USP32: variants seen among roughly 807,000 people sequenced by gnomAD.
The protein encoded by USP32 is ubiquitin carboxyl-terminal hydrolase 32.
Under a neutral mutation model 204.8 loss-of-function variants are expected in USP32, and 59 were observed. The observed-to-expected ratio is 0.29, with a 90% CI of 0.23 to 0.36. The LOEUF (loss-of-function observed/expected upper bound fraction) is 0.36. USP32 is among the 10% of genes least tolerant of loss of function. The probability of loss-of-function intolerance (pLI) is 1.00; values close to 1 mark genes in which losing one functional copy is unlikely to be tolerated. For missense variants in USP32, 1,160 were observed against 1,946.4 expected (o/e 0.60, Z 7.60); for synonymous variants, 517 against 678.4 (o/e 0.76, Z 3.70).
chr17:60,271,482 C>T lies in USP32; in HGVS notation c.572-1G>A. The T allele has an allele frequency of 6.2e-7, 1 of 1,613,216 alleles. No homozygotes were observed. On this transcript the variant is annotated splice_acceptor_variant, in intron 5 of 33. Transcript: ENST00000300896. LOFTEE classifies it high-confidence loss of function. ...AGATCAATGATGTCTGATTCCTCCA[C>T]TAAGGGTCAAATCAAAAAAGATTAT... is the stretch of plus-strand genomic sequence containing the variant.
chr17:60,195,986 C>A (rs1386176560), intron 27 of USP32, among the ~76,000 whole-genome samples: 1 of 152,150 alleles, frequency 6.6e-6, no homozygotes, highest in Non-Finnish European at 1.5e-5. Context: ...AAAAAGCCGG[C>A]CTGGGCCGGG....
At chr17:60,355,280 G>A (rs1439438030) in intron 1 of USP32, among the ~76,000 whole-genome samples, 1 of 152,058 alleles carries the variant, frequency 6.6e-6, no homozygotes, top group Non-Finnish European at 1.5e-5. Flanking sequence ...CTGAGGATGT[G>A]GTAAATTTAC....
chr17:60,381,660 G>A (rs562314843), intron 1 of USP32, among the ~76,000 whole-genome samples: 51 of 152,258 alleles, frequency 3.3e-4, no homozygotes, highest in African/African-American at 1.2e-3. Context: ...GTCCCTGTCT[G>A]AACACTGTGT....
chr17:60,271,571 ATT>A, intron 5 of USP32, 90 bp from the exon 6 acceptor site: 1 of 1,303,932 alleles, frequency 7.7e-7, no homozygotes, highest in Non-Finnish European at 1.0e-6. Context: ...CCACAGATAT[ATT>A]TTAGTTTCAC....
chr17:60,368,761 A>G lies in USP32; in HGVS notation c.58+23121T>C, dbSNP rs143510962. ...ATAATCATACATGGTTCTATACACA[A>G]CCTCGAAATGGCAACATTATTAAGT... On this transcript the variant is annotated intron_variant, in intron 1 of 33. Transcript: ENST00000300896. 2.6e-5 allele frequency among the ~76,000 whole-genome samples: 4 copies of G among 152,188 alleles called. No homozygotes were observed. In the East Asian group the frequency reaches 7.7e-4, roughly 29 times the overall value.
chr17:60,365,807 T>C (rs527783943), intron 1 of USP32, among the ~76,000 whole-genome samples: 7 of 152,226 alleles, frequency 4.6e-5, no homozygotes, highest in African/African-American at 1.7e-4. Flanking sequence ...CCAGAACAAA[T>C]ATATAAGAGA....
chr17:60,195,290 C>T (rs1449565296), intron 27 of USP32, among the ~76,000 whole-genome samples: 1 of 152,216 alleles, frequency 6.6e-6, no homozygotes, highest in East Asian at 1.9e-4. Context: ...ATACTTCCTT[C>T]ACTTAACTCC....
intron 2 of USP32, among the ~76,000 whole-genome samples, chr17:60,301,947 T>G (rs1034898060): frequency 1.3e-5 from 2 of 152,122 alleles, no homozygotes; most frequent in Non-Finnish European, 2.9e-5. Context: ...TTTTCAACTT[T>G]ACAATGGTGT....
At chr17:60,230,966 T>G (rs2085531267) in intron 12 of USP32, among the ~76,000 whole-genome samples, 1 of 152,240 alleles carries the variant, frequency 6.6e-6, no homozygotes, top group South Asian at 2.1e-4. Flanking sequence ...TTTATTGACT[T>G]CAGGGGTCTG....
intron 26 of USP32, among the ~76,000 whole-genome samples, chr17:60,204,129 A>G (rs1439318457): frequency 6.6e-6 from 1 of 152,184 alleles, no homozygotes; most frequent in Non-Finnish European, 1.5e-5. Context: ...TCAAGAGAGG[A>G]ATTACGCACA....
At chr17:60,249,612 C>T (rs1473430493) in intron 11 of USP32, 3 of 634,700 alleles carry the variant, frequency 4.7e-6, no homozygotes, top group African/African-American at 1.9e-5. Context: ...ACTGACAGCC[C>T]ATGCAGACTT....
intron 2 of USP32, among the ~76,000 whole-genome samples, chr17:60,331,323 T>C (rs1598255203): frequency 6.6e-6 from 1 of 152,340 alleles, no homozygotes; most frequent in Admixed American, 6.5e-5. Flanking sequence ...CCCAGCACTT[T>C]GGGAGGCCAA....
intron 2 of USP32, among the ~76,000 whole-genome samples, chr17:60,332,579 C>T (rs374768366): frequency 6.6e-6 from 1 of 151,812 alleles, no homozygotes; most frequent in Admixed American, 6.6e-5. Context: ...ACCCAGGAGG[C>T]GGAGACTGCA....
intron 9 of USP32, among the ~76,000 whole-genome samples, chr17:60,256,035 G>A (rs532593597): frequency 6.6e-6 from 1 of 152,182 alleles, no homozygotes; most frequent in Admixed American, 6.6e-5. Flanking sequence ...CAACAGACAT[G>A]TGAGAGATTT....
At chr17:60,195,652 T>G (rs1295954878) in intron 27 of USP32, among the ~76,000 whole-genome samples, 1 of 152,150 alleles carries the variant, frequency 6.6e-6, no homozygotes, top group African/African-American at 2.4e-5. Flanking sequence ...TCTCTTTTGA[T>G]GCTTCTTTTT....
intron 2 of USP32, among the ~76,000 whole-genome samples, chr17:60,330,555 C>T (rs2088355776): frequency 1.4e-5 from 2 of 146,344 alleles, no homozygotes; most frequent in East Asian, 2.0e-4. Flanking sequence ...CTCTCTCTCT[C>T]TTTTTTTTAA....
chr17:60,268,100 C>A (rs1434142949), intron 7 of USP32, among the ~76,000 whole-genome samples: 2 of 152,306 alleles, frequency 1.3e-5, no homozygotes, highest in Non-Finnish European at 2.9e-5. Context: ...CGTGAGCAAC[C>A]ATGCCCGGCC....
At chr17:60,333,849 G>C (rs1384662772) in intron 2 of USP32, among the ~76,000 whole-genome samples, 3 of 152,192 alleles carry the variant, frequency 2.0e-5, no homozygotes, top group Non-Finnish European at 4.4e-5. Flanking sequence ...TGAAGTGGCA[G>C]GCAACCACAG....
intron 3 of USP32, among the ~76,000 whole-genome samples, chr17:60,298,700 G>T (rs560517193): frequency 6.6e-6 from 1 of 152,182 alleles, no homozygotes; most frequent in African/African-American, 2.4e-5. Context: ...ATTTCTGCTG[G>T]TGAAGAAATG....
Sources: allele counts gnomAD v4.1 joint callset (sites outside exome capture counted in the v4.1 genomes callset), GRCh38; gene constraint gnomAD v4.1.1; transcripts MANE v1.5; gene names NCBI Gene and HGNC (gene_info 2026-07-23, HGNC 2026-07-21).